MYO7A: variants seen among roughly 807,000 people sequenced by gnomAD.
MYO7A encodes the protein unconventional myosin-VIIa.
MYO7A carries 210 observed loss-of-function variants against 263.8 expected under a neutral mutation model. That is an observed-to-expected ratio of 0.80 (90% CI 0.71 to 0.89). The LOEUF (loss-of-function observed/expected upper bound fraction) is 0.89, where lower values mean the gene tolerates loss of function less well. MYO7A is among the 40% of genes least tolerant of loss of function. MYO7A has a pLI of 0.00. For synonymous variants in MYO7A, 1,239 were observed against 1,197.3 expected, an observed-to-expected ratio of 1.03 and a Z score of -0.72; for missense variants, 2,820 against 2,968.3, an observed-to-expected ratio of 0.95 and a Z score of 1.16.
At chr11:77,178,576 TC>T (rs1954881870) in intron 19 of MYO7A, among the ~76,000 whole-genome samples, 1 of 152,180 alleles carries the variant, frequency 6.6e-6, no homozygotes, top group African/African-American at 2.4e-5. Context: ...ATGGTCTCTG[TC>T]CTCTATCAGG....
chr11:77,181,647 C>T (rs1955194708), intron 23 of MYO7A, 58 bp downstream of exon 23: 1 of 1,530,748 alleles, frequency 6.5e-7, no homozygotes, highest in Non-Finnish European at 8.9e-7. Context: ...TGTTGATCCT[C>T]CCTCCTTCTG....
rs773557376 is a variant in MYO7A, at chr11:77,203,156, G to T, written c.5265G>T (p.Ala1755=). 2.6e-6 allele frequency: 4 copies of T among 1,551,260 alleles called. No homozygotes were observed. Among genetic ancestry groups the T allele is most frequent in the Non-Finnish European group, 1.7e-6 (2 of 1,148,184 alleles). ...WSHTREPLKQ[A]LLKKLLGSEE... is the part of the protein sequence containing the mutation. ...ACACGCGGGAACCGCTCAAGCAGGC[G>T]CTGCTCAAGAAGCTCCTGGGCAGTG... Residue 1755 remains alanine, a synonymous_variant, in exon 38 of 49, where the codon GCG becomes GCT. Coordinates refer to ENST00000409709, the MANE Select transcript of MYO7A (RefSeq NM_000260.4).
intron 25 of MYO7A, 94 bp from the exon 26 acceptor site, chr11:77,182,974 G>A: frequency 9.2e-7 from 1 of 1,089,944 alleles, no homozygotes. Context: ...GCTTCACGTG[G>A]AAGCGAGACG....
intron 19 of MYO7A, 41 bp from the exon 20 acceptor site, chr11:77,179,004 C>G: frequency 2.6e-6 from 4 of 1,528,218 alleles, no homozygotes; most frequent in Non-Finnish European, 3.6e-6. Context: ...ACCCTGGCTG[C>G]CTCTGGACAC....
chr11:77,159,421 G>A, intron 9 of MYO7A, 26 bp from the exon 10 acceptor site: 2 of 520,514 alleles, frequency 3.8e-6, no homozygotes, highest in Middle Eastern at 3.4e-4. Flanking sequence ...TCCCTCCCCT[G>A]ATGCTGTGCC....
rs370195456 is a variant in MYO7A at position 77,166,726 on chromosome 11, A to C, written c.1797+564A>C. Among the ~76,000 whole-genome samples the C allele has an allele frequency of 2.0e-5, 3 of 152,258 alleles. No homozygotes were observed. In the East Asian group the frequency reaches 5.8e-4, roughly 29 times the overall value. On this transcript the variant is annotated intron_variant, in intron 15 of 48. Transcript: ENST00000409709. ...TGGAGGGTGCATGAAGTCCTCACGC[A>C]GAAGACAGTCCTTGCCCCTTCCATG...
At chr11:77,147,612 G>T (rs527335993) in intron 3 of MYO7A, among the ~76,000 whole-genome samples, 186 bp from the exon 4 acceptor site, 3 of 152,240 alleles carry the variant, frequency 2.0e-5, no homozygotes, top group African/African-American at 4.8e-5. Flanking sequence ...CGGTCCTTGA[G>T]GGGTAGAGGT....
intron 45 of MYO7A, 42 bp from the exon 46 acceptor site, chr11:77,211,779 T>A (rs1957896843): frequency 2.0e-6 from 3 of 1,520,480 alleles, no homozygotes; most frequent in African/African-American, 1.4e-5. Flanking sequence ...AGCAGGCCTG[T>A]CCCCAGGACT....
At chr11:77,199,981 G>A (rs1259541629) in intron 35 of MYO7A, among the ~76,000 whole-genome samples, 163 bp downstream of exon 35, 1 of 152,180 alleles carries the variant, frequency 6.6e-6, no homozygotes, top group East Asian at 1.9e-4. Context: ...CAAGAAGCAT[G>A]GTGCTGGCTG....
At chr11:77,162,757 T>G in intron 13 of MYO7A, 96 bp from the exon 14 acceptor site, 1 of 1,488,194 alleles carries the variant, frequency 6.7e-7, no homozygotes. Flanking sequence ...GAGGGGAAGC[T>G]CCTGAAGAAG....
chr11:77,165,203 G>A (rs1442672123), intron 14 of MYO7A, among the ~76,000 whole-genome samples: 7 of 152,176 alleles, frequency 4.6e-5, no homozygotes, highest in African/African-American at 1.7e-4. Context: ...TGCCAGGCGG[G>A]CAGCCTAGCA....
Position 77,157,154 on chromosome 11 carries a change from A to G in MYO7A, c.736-125A>G, listed in dbSNP as rs1362451397. 5 of 1,379,634 alleles carry G rather than the reference A, an allele frequency of 3.6e-6. No homozygotes were observed. In the African/African-American group the frequency reaches 7.2e-5, roughly 20 times the overall value. 85.5% of individuals were successfully genotyped at this position (1,379,634 alleles called of 1,614,324 possible). ...CCTCTGTGCTGGAAATCCCACCATG[A>G]AACCCACCGATGGGCTTCTCCACAA... On this transcript the variant is annotated intron_variant, in intron 7 of 48. Coordinates refer to ENST00000409709, the MANE Select transcript of MYO7A (RefSeq NM_000260.4).
intron 9 of MYO7A, 44 bp from the exon 10 acceptor site, chr11:77,159,403 G>GGCCCCCCCCCCCC: frequency 7.0e-6 from 5 of 711,716 alleles, no homozygotes; most frequent in Non-Finnish European, 7.5e-6. Context: ...TGCCCCTGTT[G>GGCCCCCCCCCCCC]CCCACCCTCC....
rs753419655 is a variant in MYO7A at position 77,194,376 on chromosome 11, C to A, written c.4175C>A (p.Ala1392Asp). The A allele has an allele frequency of 1.2e-6, 2 of 1,612,406 alleles. No homozygotes were observed. The highest frequency in any genetic ancestry group is 2.2e-5 in the South Asian group (2 of 90,562). ...TAGGAGGACGACCTGGCTGAGCTGG[C>A]CTCCCAGCAGTACTTTGTAGACTAT... is the stretch of plus-strand genomic sequence containing the variant. ...CEKEDDLAEL[A>D]SQQYFVDYGS... Residue 1392 changes from alanine (A) to aspartate (D), a missense_variant, in exon 32 of 49, where the codon GCC becomes GAC. Physicochemically the swap from Ala to Asp is moderately radical, Grantham distance 126. Coordinates refer to ENST00000409709, the MANE Select transcript of MYO7A (RefSeq NM_000260.4).
intron 31 of MYO7A, among the ~76,000 whole-genome samples, chr11:77,193,289 GTGT>G (rs1231779733): frequency 3.1e-4 from 47 of 151,792 alleles, no homozygotes; most frequent in African/African-American, 7.3e-5. Flanking sequence ...GGTAGTGATG[GTGT>G]TGGTGGTGAT....
chr11:77,157,454 TACTGCAG>T, intron 8 of MYO7A, 62 bp downstream of exon 8: 1 of 1,155,178 alleles, frequency 8.7e-7, no homozygotes, highest in Non-Finnish European at 1.2e-6. Flanking sequence ...GGGAGCTGGC[TACTGCAG>T]ACTCAGCCTT....
intron 15 of MYO7A, among the ~76,000 whole-genome samples, chr11:77,168,757 C>G (rs947155975): frequency 6.6e-6 from 1 of 152,136 alleles, no homozygotes; most frequent in Non-Finnish European, 1.5e-5. Flanking sequence ...TGTGACTGTG[C>G]CACTGCACTC....
chr11:77,158,534 G>C, intron 9 of MYO7A, 104 bp downstream of exon 9: 1 of 1,358,538 alleles, frequency 7.4e-7, no homozygotes, highest in Non-Finnish European at 9.8e-7. Context: ...CCTAGCACGT[G>C]CCCTCTTTGG....
rs149566919 is a variant in MYO7A, at chr11:77,166,471, G to T, written c.1797+309G>T. Among the ~76,000 whole-genome samples, 1,570 of 152,312 alleles carry T rather than the reference G, an allele frequency of 0.01. 13 individuals carry two copies. Among genetic ancestry groups the T allele is most frequent in the Middle Eastern group, 0.034 (10 of 294 alleles). On this transcript the variant is annotated intron_variant, in intron 15 of 48. Coordinates refer to ENST00000409709, the MANE Select transcript of MYO7A (RefSeq NM_000260.4). ...CACCCCCTGGAATCCAGCTGCTAAAGAGAGCATGGGCAGAAAGAGCACATC... is the reference window on the plus strand; with the variant it reads ...CACCCCCTGGAATCCAGCTGCTAAATAGAGCATGGGCAGAAAGAGCACATC...
Sources: allele counts gnomAD v4.1 joint callset (sites outside exome capture counted in the v4.1 genomes callset), GRCh38; gene constraint gnomAD v4.1.1; transcripts MANE v1.5; gene names NCBI Gene and HGNC (gene_info 2026-07-23, HGNC 2026-07-21).